Variants in VWA2 observed in about 807,000 individuals in gnomAD.
VWA2 encodes the protein von Willebrand factor A domain-containing protein 2.
A neutral mutation model predicts 70.4 loss-of-function variants in VWA2; 73 were observed. That is an observed-to-expected ratio of 1.04 (90% CI 0.86 to 1.26). The LOEUF is 1.26. Among genes scored for constraint, VWA2 ranks in the 50% most tolerant of loss-of-function variants. VWA2 has a pLI of 0.00. For synonymous variants in VWA2, 407 were observed against 423.3 expected, an observed-to-expected ratio of 0.96 and a Z score of 0.47; for missense variants, 1,011 against 998.5, an observed-to-expected ratio of 1.01 and a Z score of -0.17.
chr10:114,289,776 A>C, intron 12 of VWA2: 1 of 461,714 alleles, frequency 2.2e-6, no homozygotes. Flanking sequence ...GAATATCCAC[A>C]AGCTTCCTAA....
intron 2 of VWA2, among the ~76,000 whole-genome samples, chr10:114,251,341 G>A (rs2037192028): frequency 6.6e-6 from 1 of 152,206 alleles, no homozygotes; most frequent in Non-Finnish European, 1.5e-5. Context: ...CCAGGCTCAA[G>A]GTGGGCTCAT....
chr10:114,249,214 A>G (rs1160811400), intron 2 of VWA2, among the ~76,000 whole-genome samples: 1 of 151,604 alleles, frequency 6.6e-6, no homozygotes, highest in Non-Finnish European at 1.5e-5. Flanking sequence ...TGTTGTTTCC[A>G]TCCCCATGTC....
chr10:114,268,851 T>C (rs1452985818), intron 5 of VWA2, among the ~76,000 whole-genome samples: 1 of 152,110 alleles, frequency 6.6e-6, no homozygotes, highest in Non-Finnish European at 1.5e-5. Context: ...CCCGCCACCA[T>C]GCCTGGCTAA....
intron 11 of VWA2, 43 bp downstream of exon 11, chr10:114,286,554 G>A (rs550537681): frequency 4.0e-5 from 60 of 1,488,056 alleles, no homozygotes; most frequent in Non-Finnish European, 4.8e-5. Flanking sequence ...GTCAGTGGGC[G>A]GGTCCTTCCT....
In VWA2 at chr10:114,254,904, G is replaced by A. The variant is rs367549388; in HGVS notation, c.128-11G>A. ...CTCCTGGTTGTCATCTGTCTGTCCC[G>A]CTCTCCCTAGTGATGTGGTGCTCGG... On this transcript the variant is annotated splice_polypyrimidine_tract_variant and intron_variant, in intron 3 of 13. Transcript: ENST00000392982. The A allele has an allele frequency of 5.0e-6, 8 of 1,611,534 alleles. No homozygotes were observed. The highest frequency in any genetic ancestry group is 1.3e-5 in the African/African-American group (1 of 74,872).
At chr10:114,288,342 T>C (rs1339958801) in intron 11 of VWA2, among the ~76,000 whole-genome samples, 1 of 152,214 alleles carries the variant, frequency 6.6e-6, no homozygotes, top group Non-Finnish European at 1.5e-5. Context: ...TCATGTCTGT[T>C]CCCCTAGACT....
rs7919577 is a variant in VWA2 at position 114,292,439 on chromosome 10, C to T, written c.*1202C>T. 0.042 allele frequency among the ~76,000 whole-genome samples: 6,405 copies of T among 151,682 alleles called. 448 individuals carry two copies. The highest frequency in any genetic ancestry group is 0.15 in the African/African-American group (6,037 of 41,252). On this transcript the variant is annotated 3_prime_UTR_variant, in exon 14 of 14. Transcript: ENST00000392982. ...TTTGCTTTTTAAAGCATTGATCTTA[C>T]GCTGTCTAGGTTTTAATTTTGTTTT...
chr10:114,288,944 G>A lies in VWA2; in HGVS notation c.1577G>A (p.Arg526Gln), dbSNP rs752274903. 3.4e-5 allele frequency: 54 copies of A among 1,605,610 alleles called. No homozygotes were observed. The highest frequency in any genetic ancestry group is 4.5e-5 in the East Asian group (2 of 44,780). The change falls in exon 12 of 14, where the codon CGG becomes CAG. Residue 526 changes from arginine to glutamine, a missense_variant. Arg to Gln is a conservative substitution (Grantham distance 43, BLOSUM62 1). Coordinates refer to ENST00000392982, the MANE Select transcript of VWA2 (RefSeq NM_001272046.2). ...CCTCTGCTTGCTCCTGCAGGGTGCC[G>A]GACACAAGCCCTGGACCTCGTCTTC... ...KLCSRQRPGCRTQALDLVFML... is the reference protein window; with the variant it reads ...KLCSRQRPGCQTQALDLVFML...
At chr10:114,252,411 CTAGTT>C (rs1197484508) in intron 2 of VWA2, among the ~76,000 whole-genome samples, 28 of 152,082 alleles carry the variant, frequency 1.8e-4, no homozygotes, top group African/African-American at 6.3e-4. Context: ...TGGGGAGAGA[CTAGTT>C]TAGTTTGCAT....
In VWA2 at chr10:114,272,762, C is replaced by T. The variant is rs751399670; in HGVS notation, c.394C>T (p.Leu132Phe). ...CAGAGGAGGGCGCACGGAGACGGAA[C>T]TTGCTCTGAAATACCTTCTGCACAG... ...VFKGGRTETE[L>F]ALKYLLHRGL... The change falls in exon 6 of 14, where the codon CTT (leucine) becomes TTT (phenylalanine). Residue 132 changes from leucine (L) to phenylalanine (F), a missense_variant. By Grantham distance (22) the Leu-to-Phe change is conservative. Coordinates refer to ENST00000392982, the MANE Select transcript of VWA2 (RefSeq NM_001272046.2). 12 of 1,610,270 alleles carry T rather than the reference C, an allele frequency of 7.5e-6. No homozygotes were observed. In the Admixed American group the frequency reaches 2.0e-4, roughly 27 times the overall value.
At chr10:114,250,104 C>G (rs948210134) in intron 2 of VWA2, among the ~76,000 whole-genome samples, 3 of 152,244 alleles carry the variant, frequency 2.0e-5, no homozygotes, top group Non-Finnish European at 4.4e-5. Flanking sequence ...TCACATCCCC[C>G]TCTTCAAACC....
chr10:114,240,627 T>C (rs556569123), intron 1 of VWA2, among the ~76,000 whole-genome samples: 4 of 152,330 alleles, frequency 2.6e-5, no homozygotes, highest in Non-Finnish European at 5.9e-5. Context: ...TGACACTATA[T>C]TAAGAAATGT....
At position 114,289,016 on chromosome 10, in the gene VWA2, T is replaced by G; in HGVS notation, c.1649T>G (p.Met550Arg). ...GTAGGGCCCGAGAATTTTGCTCAGA[T>G]GCAGAGCTTTGTGAGAAGCTGTGCC... The part of the protein sequence containing the change: ...ASVGPENFAQ[M>R]QSFVRSCALQ... The change falls in exon 12 of 14, where the codon ATG becomes AGG. Residue 550 changes from methionine to arginine, a missense_variant. Transcript: ENST00000392982. 1 of 1,614,208 alleles carries G rather than the reference T, an allele frequency of 6.2e-7. No homozygotes were observed. Among genetic ancestry groups the G allele is most frequent in the Non-Finnish European group, 8.5e-7 (1 of 1,180,044 alleles).
intron 1 of VWA2, 64 bp from the exon 2 acceptor site, chr10:114,248,640 T>C (rs2037127436): frequency 3.5e-6 from 5 of 1,411,454 alleles, no homozygotes; most frequent in Middle Eastern, 1.8e-4. Flanking sequence ...TGTTTGGCGG[T>C]GTGACTTGGG....
chr10:114,289,365 C>T lies in VWA2; in HGVS notation c.1998C>T (p.Gly666=), dbSNP rs771998666. 147 of 1,614,094 alleles carry T rather than the reference C, an allele frequency of 9.1e-5. No homozygotes were observed. Among genetic ancestry groups the T allele is most frequent in the Non-Finnish European group, 2.5e-5 (29 of 1,180,040 alleles). The change falls in exon 12 of 14, where the codon GGC becomes GGT. Residue 666 remains glycine, a synonymous_variant. Transcript: ENST00000392982. Reference sequence around the variant, plus strand: ...ATGGCATCTCTGTCTTGGTCGTGGGCGTGGGGCCTGTCCTAAGTGAGGGTC... The same window carrying T: ...ATGGCATCTCTGTCTTGGTCGTGGGTGTGGGGCCTGTCCTAAGTGAGGGTC... ...RNNGISVLVV[G]VGPVLSEGLR...
intron 11 of VWA2, 57 bp downstream of exon 11, chr10:114,286,568 T>C: frequency 6.9e-7 from 1 of 1,443,600 alleles, no homozygotes; most frequent in South Asian, 1.4e-5. Flanking sequence ...CCTTCCTCCT[T>C]TTGGCCACCA....
intron 13 of VWA2, among the ~76,000 whole-genome samples, chr10:114,290,657 G>A (rs928575995): frequency 6.6e-6 from 1 of 152,184 alleles, no homozygotes; most frequent in Non-Finnish European, 1.5e-5. Flanking sequence ...GGTAGACGGT[G>A]CTAAGCACCC....
intron 10 of VWA2, 117 bp from the exon 11 acceptor site, chr10:114,285,822 G>T: frequency 8.7e-7 from 1 of 1,152,980 alleles, no homozygotes; most frequent in Admixed American, 3.0e-5. Flanking sequence ...TAAGCTTGGG[G>T]GGCCCACAGT....
intron 5 of VWA2, 77 bp from the exon 6 acceptor site, chr10:114,272,663 G>A (rs944962926): frequency 7.8e-5 from 103 of 1,325,506 alleles, no homozygotes; most frequent in Non-Finnish European, 9.4e-5. Flanking sequence ...AGAGCTCATC[G>A]ATTTCAGACT....
Sources: gnomAD v4.1 joint callset for allele counts (sites outside exome capture counted in the v4.1 genomes callset) on GRCh38, gnomAD v4.1.1 for gene constraint, MANE v1.5 for transcripts, NCBI Gene and HGNC (gene_info 2026-07-23, HGNC 2026-07-21) for gene names.